PPP3CA: variants seen among roughly 807,000 people sequenced by gnomAD.
The protein encoded by PPP3CA is protein phosphatase 3 catalytic subunit alpha.
In PPP3CA, 14 loss-of-function variants were observed where a neutral mutation model predicts 66.5. The ratio of observed to expected loss-of-function variants is 0.21; its 90% CI spans 0.14 to 0.33. The LOEUF (loss-of-function observed/expected upper bound fraction) is 0.33. PPP3CA is among the 10% of genes least tolerant of loss of function. The pLI, the probability that PPP3CA is intolerant of heterozygous loss-of-function variation, is 1.00. For synonymous variants in PPP3CA, 232 were observed against 226.2 expected (o/e 1.03, Z -0.23); for missense variants, 317 against 639.5 (o/e 0.50, Z 5.44).
At chr4:101,197,052 GTTCA>G (rs1724817423) in intron 1 of PPP3CA, among the ~76,000 whole-genome samples, 1 of 152,182 alleles carries the variant, frequency 6.6e-6, no homozygotes, top group Non-Finnish European at 1.5e-5. Context: ...TCACATGATG[GTTCA>G]TTCACTGGAC....
intron 1 of PPP3CA, among the ~76,000 whole-genome samples, chr4:101,260,561 T>C (rs1726979848): frequency 6.6e-6 from 1 of 152,146 alleles, no homozygotes; most frequent in Non-Finnish European, 1.5e-5. Context: ...TATTAAATGA[T>C]CCTTCATCAA....
intron 1 of PPP3CA, among the ~76,000 whole-genome samples, chr4:101,324,032 G>A (rs1381720946): frequency 6.6e-6 from 1 of 152,014 alleles, no homozygotes; most frequent in Non-Finnish European, 1.5e-5. Flanking sequence ...AGAATCACTT[G>A]AACCTGGGAG....
At chr4:101,295,307 CAAAAAAAAAAAAAA>C (rs527366396) in intron 1 of PPP3CA, among the ~76,000 whole-genome samples, 1,142 of 42,088 alleles carry the variant, frequency 0.027, 31 homozygotes, top group Middle Eastern at 0.11. Context: ...GACTCCGTCT[CAAAAAAAAAAAAAA>C]AAAAAAAAAA....
intron 1 of PPP3CA, among the ~76,000 whole-genome samples, chr4:101,212,000 T>C (rs1191595452): frequency 6.6e-6 from 1 of 152,200 alleles, no homozygotes; most frequent in African/African-American, 2.4e-5. Flanking sequence ...AAGAAGCTAC[T>C]GAAAGGATTA....
chr4:101,306,548 C>T (rs1453983868), intron 1 of PPP3CA, among the ~76,000 whole-genome samples: 1 of 151,908 alleles, frequency 6.6e-6, no homozygotes, highest in African/African-American at 2.4e-5. Flanking sequence ...AAAAAGTAAA[C>T]AAATATGGGC....
At chr4:101,050,558 C>A (rs142220093) in intron 10 of PPP3CA, among the ~76,000 whole-genome samples, 1 of 152,248 alleles carries the variant, frequency 6.6e-6, no homozygotes, top group African/African-American at 2.4e-5. Context: ...ATCCTCGCAA[C>A]AACCACATGG....
At chr4:101,059,464 A>C (rs1339414640) in intron 10 of PPP3CA, among the ~76,000 whole-genome samples, 2 of 152,188 alleles carry the variant, frequency 1.3e-5, no homozygotes, top group Non-Finnish European at 2.9e-5. Flanking sequence ...ATGAGATGTT[A>C]AAAATAAATC....
In PPP3CA at chr4:101,272,397, A is replaced by T. The variant is rs550145592; in HGVS notation, c.58+74342T>A. 3.9e-4 allele frequency among the ~76,000 whole-genome samples: 59 copies of T among 152,280 alleles called. 1 individual carries two copies. In the South Asian group the frequency reaches 6.4e-3, roughly 17 times the overall value. On this transcript the variant is annotated intron_variant, in intron 1 of 13. Coordinates refer to ENST00000394854, the MANE Select transcript of PPP3CA (RefSeq NM_000944.5). ...TCTGTTAACCCCCAAAGCCTGGATA[A>T]ATTCCAGAGACATAATGCCTCATTC...
chr4:101,298,322 C>G (rs775801952), intron 1 of PPP3CA, among the ~76,000 whole-genome samples: 5 of 148,464 alleles, frequency 3.4e-5, no homozygotes, highest in African/African-American at 5.2e-5. Flanking sequence ...ACTAACAATA[C>G]CTATACCAAG....
intron 2 of PPP3CA, among the ~76,000 whole-genome samples, chr4:101,124,665 G>GAAAGAAAGAAAGA (rs1722142181): frequency 2.9e-5 from 1 of 34,262 alleles, no homozygotes; most frequent in African/African-American, 1.4e-4. Flanking sequence ...GAGAGAGACA[G>GAAAGAAAGAAAGA]AAAGAAAGAA....
intron 1 of PPP3CA, among the ~76,000 whole-genome samples, chr4:101,334,468 G>T (rs1729563792): frequency 6.6e-6 from 1 of 151,968 alleles, no homozygotes; most frequent in Admixed American, 6.6e-5. Context: ...ATGGGATATG[G>T]ATTTAAAAAG....
chr4:101,031,912 C>CTT lies in PPP3CA; in HGVS notation c.1339+353_1339+354dup, dbSNP rs543869215. ...TCATAAATGAAACATAACCAGAATA[C>CTT]TTATTAAAAATGTGATTAAAAAGTT... On this transcript the variant is annotated intron_variant, in intron 12 of 13. Coordinates refer to ENST00000394854, the MANE Select transcript of PPP3CA (RefSeq NM_000944.5). Among the ~76,000 whole-genome samples, 19 of 152,232 alleles carry CTT rather than the reference C, an allele frequency of 1.2e-4. 1 individual carries two copies. The highest frequency in any genetic ancestry group is 1.2e-3 in the South Asian group (6 of 4,826).
intron 1 of PPP3CA, among the ~76,000 whole-genome samples, chr4:101,326,545 A>C (rs1729214648): frequency 6.6e-6 from 1 of 152,250 alleles, no homozygotes; most frequent in Admixed American, 6.5e-5. Context: ...TAAAGACTGA[A>C]GAGTGCCATC....
intron 1 of PPP3CA, among the ~76,000 whole-genome samples, chr4:101,272,909 G>A (rs1414302555): frequency 1.3e-5 from 2 of 152,132 alleles, no homozygotes; most frequent in Admixed American, 6.5e-5. Flanking sequence ...GACAAACAAG[G>A]AGCAAACTAT....
intron 1 of PPP3CA, among the ~76,000 whole-genome samples, chr4:101,310,091 A>G (rs1159299688): frequency 6.6e-6 from 1 of 152,194 alleles, no homozygotes; most frequent in Non-Finnish European, 1.5e-5. Context: ...CAGCTGTAGT[A>G]CTACTGATTG....
chr4:101,155,732 T>C (rs1200871158), intron 2 of PPP3CA, among the ~76,000 whole-genome samples: 1 of 152,268 alleles, frequency 6.6e-6, no homozygotes, highest in Non-Finnish European at 1.5e-5. Context: ...GTGCACTAAC[T>C]ACATGCCTCA....
chr4:101,109,308 TAAAAAAAA>T (rs70961775), intron 2 of PPP3CA, among the ~76,000 whole-genome samples: 1 of 90,046 alleles, frequency 1.1e-5, no homozygotes, highest in Admixed American at 1.2e-4. Context: ...ACAGATTAAC[TAAAAAAAA>T]AAAAAAAAAA....
At chr4:101,098,702 T>TA in intron 4 of PPP3CA, among the ~76,000 whole-genome samples, 190 bp from the exon 5 acceptor site, 1 of 152,172 alleles carries the variant, frequency 6.6e-6, no homozygotes, top group African/African-American at 2.4e-5. Flanking sequence ...TAGTATTTCC[T>TA]GTTTTTGTCA....
At chr4:101,051,185 G>A (rs998901935) in intron 10 of PPP3CA, among the ~76,000 whole-genome samples, 1 of 152,000 alleles carries the variant, frequency 6.6e-6, no homozygotes, top group African/African-American at 2.4e-5. Context: ...CATGAGCTAA[G>A]AATAAAGAGG....
Sources: allele counts gnomAD v4.1 joint callset (sites outside exome capture counted in the v4.1 genomes callset), GRCh38; gene constraint gnomAD v4.1.1; transcripts MANE v1.5; gene names NCBI Gene and HGNC (gene_info 2026-07-23, HGNC 2026-07-21).